CUX1: variants seen among roughly 807,000 people sequenced by gnomAD.
The protein encoded by CUX1 is cut like homeobox 1.
CUX1 carries 31 observed loss-of-function variants against 158.8 expected under a neutral mutation model. The observed-to-expected ratio is 0.20, with a 90% CI of 0.15 to 0.26. CUX1 has a LOEUF of 0.26. CUX1 is among the 10% of genes least tolerant of loss of function. The pLI is 1.00. For synonymous variants in CUX1, 879 were observed against 862.1 expected, an observed-to-expected ratio of 1.02 and a Z score of -0.34; for missense variants, 1,589 against 2,014.6, an observed-to-expected ratio of 0.79 and a Z score of 4.04.
At chr7:102,275,145 C>A in intron 16 of CUX1, 2 of 796,556 alleles carry the variant, frequency 2.5e-6, no homozygotes, top group Non-Finnish European at 4.1e-6. Flanking sequence ...TACCCCATGG[C>A]ATTTGGCAGA....
chr7:101,832,181 A>G (rs1307439897), intron 1 of CUX1, among the ~76,000 whole-genome samples: 2 of 152,188 alleles, frequency 1.3e-5, no homozygotes, highest in East Asian at 3.9e-4. Flanking sequence ...TGTGGTGGTC[A>G]TGGCCCAGTG....
At chr7:102,115,384 G>C in intron 8 of CUX1, 111 bp downstream of exon 8, 1 of 879,690 alleles carries the variant, frequency 1.1e-6, no homozygotes, top group Non-Finnish European at 1.8e-6. Context: ...CAGGGACACA[G>C]TGTATTTCCC....
At chr7:101,912,128 C>T (rs1803558962) in intron 1 of CUX1, among the ~76,000 whole-genome samples, 1 of 151,838 alleles carries the variant, frequency 6.6e-6, no homozygotes, top group Admixed American at 6.6e-5. Flanking sequence ...CGGATACCCT[C>T]CTCTGTCTTC....
intron 2 of CUX1, among the ~76,000 whole-genome samples, chr7:101,919,599 G>T (rs1027475663): frequency 1.3e-5 from 2 of 152,204 alleles, no homozygotes; most frequent in Non-Finnish European, 2.9e-5. Context: ...GACACCAAGG[G>T]TGTTGATCTT....
At chr7:102,039,060 T>C (rs1048179144) in intron 3 of CUX1, among the ~76,000 whole-genome samples, 1 of 152,144 alleles carries the variant, frequency 6.6e-6, no homozygotes, top group Non-Finnish European at 1.5e-5. Flanking sequence ...AAAAAGAATA[T>C]GATAAAACTT....
chr7:101,999,910 A>G (rs983354803), intron 2 of CUX1, among the ~76,000 whole-genome samples: 4 of 152,186 alleles, frequency 2.6e-5, no homozygotes, highest in East Asian at 3.9e-4. Flanking sequence ...GTGTGTGTGC[A>G]TGTGTGTTCT....
At chr7:102,106,636 A>G (rs1830389559) in intron 6 of CUX1, among the ~76,000 whole-genome samples, 1 of 152,186 alleles carries the variant, frequency 6.6e-6, no homozygotes, top group Admixed American at 6.5e-5. Flanking sequence ...AAATTTCTGT[A>G]TAAACTGCCT....
intron 19 of CUX1, 73 bp downstream of exon 19, chr7:102,204,629 G>T: frequency 6.4e-7 from 1 of 1,556,226 alleles, no homozygotes; most frequent in Non-Finnish European, 8.7e-7. Flanking sequence ...GCCCCACCTG[G>T]GCTATGCAGA....
chr7:102,151,532 C>T (rs1271225166), intron 8 of CUX1, among the ~76,000 whole-genome samples: 2 of 151,750 alleles, frequency 1.3e-5, no homozygotes, highest in Non-Finnish European at 2.9e-5. Context: ...CCAGCCTGGG[C>T]AACAAGAGCG....
intron 8 of CUX1, among the ~76,000 whole-genome samples, chr7:102,122,369 C>A (rs1400771611): frequency 6.6e-6 from 1 of 151,196 alleles, no homozygotes; most frequent in Non-Finnish European, 1.5e-5. Flanking sequence ...ATCAGACTTG[C>A]AGGGAAAAAC....
intron 2 of CUX1, among the ~76,000 whole-genome samples, chr7:101,952,138 A>C (rs996372056): frequency 6.6e-5 from 10 of 152,166 alleles, no homozygotes; most frequent in Non-Finnish European, 1.5e-4. Flanking sequence ...CTATAATCCC[A>C]ATACTTTGAG....
At chr7:102,174,057 C>T (rs1009469935) in intron 10 of CUX1, among the ~76,000 whole-genome samples, 1 of 152,126 alleles carries the variant, frequency 6.6e-6, no homozygotes, top group Non-Finnish European at 1.5e-5. Flanking sequence ...AGAAGGTGAG[C>T]GGTCACTGAG....
chr7:102,226,311 A>G (rs1477146573), intron 20 of CUX1, among the ~76,000 whole-genome samples: 1 of 152,242 alleles, frequency 6.6e-6, no homozygotes, highest in Non-Finnish European at 1.5e-5. Context: ...AGAACCAGCA[A>G]GTCCCAAGGT....
chr7:102,031,980 G>C (rs1820840398), intron 3 of CUX1, among the ~76,000 whole-genome samples: 2 of 150,998 alleles, frequency 1.3e-5, no homozygotes, highest in South Asian at 4.2e-4. Flanking sequence ...GTGGAGAGCA[G>C]GGTGGCATGA....
intron 2 of CUX1, among the ~76,000 whole-genome samples, chr7:101,979,159 G>T (rs1252656342): frequency 6.6e-6 from 1 of 152,168 alleles, no homozygotes; most frequent in Non-Finnish European, 1.5e-5. Context: ...TGACCACTCA[G>T]AAAACCTTCC....
intron 4 of CUX1, among the ~76,000 whole-genome samples, chr7:102,096,154 T>G (rs1829156782): frequency 6.6e-6 from 1 of 152,248 alleles, no homozygotes; most frequent in South Asian, 2.1e-4. Flanking sequence ...CGCGCTGCTC[T>G]GCACTTAGTT....
intron 3 of CUX1, among the ~76,000 whole-genome samples, chr7:102,049,856 G>A (rs2130037810): frequency 6.6e-6 from 1 of 152,192 alleles, no homozygotes; most frequent in Middle Eastern, 3.4e-3. Flanking sequence ...GAGCAAGTCT[G>A]GCCCTGAGAT....
At chr7:101,853,247 C>T (rs1449492811) in intron 1 of CUX1, among the ~76,000 whole-genome samples, 4 of 152,096 alleles carry the variant, frequency 2.6e-5, no homozygotes, top group Non-Finnish European at 5.9e-5. Context: ...ATTTTCTGCA[C>T]CCATGAATAG....
At chr7:102,113,337 C>G (rs1325705189) in intron 7 of CUX1, among the ~76,000 whole-genome samples, 1 of 152,008 alleles carries the variant, frequency 6.6e-6, no homozygotes, top group Non-Finnish European at 1.5e-5. Context: ...TCCCCGGGTT[C>G]AAGTGATTCT....
Sources: gnomAD v4.1 joint callset for allele counts (sites outside exome capture counted in the v4.1 genomes callset) on GRCh38, gnomAD v4.1.1 for gene constraint, MANE v1.5 for transcripts, NCBI Gene and HGNC (gene_info 2026-07-23, HGNC 2026-07-21) for gene names.